PLSCR5: variants seen among roughly 807,000 people sequenced by gnomAD.
PLSCR5 encodes the protein phospholipid scramblase family, member 5.
Under a neutral mutation model 33.6 loss-of-function variants are expected in PLSCR5, and 44 were observed. That is an observed-to-expected ratio of 1.31 (90% CI 1.03 to 1.69). The LOEUF (loss-of-function observed/expected upper bound fraction) is 1.69. Among genes scored for constraint, PLSCR5 ranks in the 40% most tolerant of loss-of-function variants. PLSCR5 has a pLI of 0.00. For synonymous variants in PLSCR5, 148 were observed against 112.3 expected, an observed-to-expected ratio of 1.32 and a Z score of -2.01; for missense variants, 375 against 318.7, an observed-to-expected ratio of 1.18 and a Z score of -1.34.
intron 2 of PLSCR5, 57 bp downstream of exon 2, chr3:146,600,231 A>G: frequency 8.2e-7 from 1 of 1,218,854 alleles, no homozygotes; most frequent in Non-Finnish European, 1.0e-6. Context: ...CCAGAAAGAA[A>G]GTTTGTATTA....
intron 1 of PLSCR5, among the ~76,000 whole-genome samples, chr3:146,603,065 G>A (rs541163072): frequency 6.6e-6 from 1 of 152,170 alleles, no homozygotes; most frequent in African/African-American, 2.4e-5. Flanking sequence ...CTTAAATTGT[G>A]TTAATTTCTA....
chr3:146,597,630 T>C (rs1465107746), intron 2 of PLSCR5, among the ~76,000 whole-genome samples: 1 of 152,176 alleles, frequency 6.6e-6, no homozygotes, highest in African/African-American at 2.4e-5. Flanking sequence ...AAATAGCACA[T>C]AGCCACTTAC....
chr3:146,597,430 G>T (rs6795178), intron 2 of PLSCR5, among the ~76,000 whole-genome samples: 43,308 of 151,824 alleles, frequency 0.29, 6,338 homozygotes, highest in African/African-American at 0.36. Context: ...GTTTCTTTAC[G>T]GACATCACTA....
At chr3:146,588,516 A>T (rs973236034) in intron 6 of PLSCR5, among the ~76,000 whole-genome samples, 1 of 151,964 alleles carries the variant, frequency 6.6e-6, no homozygotes, top group Non-Finnish European at 1.5e-5. Flanking sequence ...TGCCAATGTC[A>T]TGAGACTCAG....
At position 146,591,868 on chromosome 3, in the gene PLSCR5, G is replaced by A; in HGVS notation, c.467C>T (p.Ala156Val). 1.2e-6 allele frequency: 2 copies of A among 1,601,470 alleles called. No individual in the cohort carries two copies. The highest frequency in any genetic ancestry group is 1.3e-5 in the African/African-American group (1 of 74,502). ...PCYLQELEIQ[A>V]PPGTIVGYVT... ...GTAACCAACTATAGTACCAGGAGGG[G>A]CTTGGATTTCTAACTGTAAGAAGAG... The change falls in exon 5 of 8, where the codon GCC becomes GTC. Residue 156 changes from alanine to valine, a missense_variant. Physicochemically the swap from Ala to Val is moderately conservative, Grantham distance 64 (BLOSUM62 0). Coordinates refer to ENST00000443512, the MANE Select transcript of PLSCR5 (RefSeq NM_001085420.2).
chr3:146,584,069 C>G (rs1196111596), downstream of PLSCR5, among the ~76,000 whole-genome samples: 1 of 152,122 alleles, frequency 6.6e-6, no homozygotes, highest in East Asian at 1.9e-4. Flanking sequence ...GGCAGTCATC[C>G]TCATACTGAC....
At chr3:146,600,852 C>A (rs1051534002) in intron 1 of PLSCR5, among the ~76,000 whole-genome samples, 2 of 147,870 alleles carry the variant, frequency 1.4e-5, no homozygotes, top group Non-Finnish European at 3.0e-5. Flanking sequence ...GAGTAATTAT[C>A]GGTTACTTTA....
At position 146,586,105 on chromosome 3, in the gene PLSCR5, A is replaced by G. The variant is rs372203106; in HGVS notation, c.785T>C (p.Met262Thr). ...TCCAGCCAGTGAATGTTCAAAGAAC[A>G]TAAAATCCTACAAATAAGTAAACTG... Reference protein sequence around the residue: ...MIGACFLFDFMFFEHSLAGL With the variant: ...MIGACFLFDFTFFEHSLAGL Residue 262 changes from methionine (M) to threonine (T), a missense_variant, in exon 7 of 8, where the codon ATG becomes ACG. Physicochemically the swap from Met to Thr is moderately conservative, Grantham distance 81 (BLOSUM62 -1). Transcript: ENST00000443512. 3 of 1,483,850 alleles carry G rather than the reference A, an allele frequency of 2.0e-6. No homozygotes were observed. Among genetic ancestry groups the G allele is most frequent in the African/African-American group, 2.9e-5 (2 of 69,630 alleles). The allele number at this position is 1,483,850 out of a possible 1,614,324, so 91.9% of individuals were successfully genotyped here.
rs755424562 is a variant in PLSCR5 at position 146,589,793 on chromosome 3, G to A, written c.637C>T (p.Leu213Phe). ...DFEVKTINEKLTIGKISKYWS... is the reference protein window; with the variant it reads ...DFEVKTINEKFTIGKISKYWS... ...TACTTTGAAATCTTCCCAATTGTAA[G>A]CTTTTCATTAATGGTTTTCACCTTT... The change falls in exon 6 of 8, where the codon CTT (leucine) becomes TTT (phenylalanine). Residue 213 changes from leucine (L) to phenylalanine (F), a missense_variant. Physicochemically the swap from Leu to Phe is conservative, Grantham distance 22. Coordinates refer to ENST00000443512, the MANE Select transcript of PLSCR5 (RefSeq NM_001085420.2). 1 of 1,550,744 alleles carries A rather than the reference G, an allele frequency of 6.4e-7. No homozygotes were observed. Among genetic ancestry groups the A allele is most frequent in the Non-Finnish European group, 8.8e-7 (1 of 1,136,166 alleles).
chr3:146,602,722 C>T (rs1184437060), intron 1 of PLSCR5, among the ~76,000 whole-genome samples: 1 of 152,014 alleles, frequency 6.6e-6, no homozygotes, highest in Admixed American at 6.6e-5. Context: ...TCACAAATTA[C>T]CCCAATTTTA....
chr3:146,605,122 G>C (rs1398279590), intron 1 of PLSCR5, 78 bp downstream of exon 1: 15 of 1,421,618 alleles, frequency 1.1e-5, no homozygotes, highest in Non-Finnish European at 1.3e-5. Flanking sequence ...CAATCTAACT[G>C]GTTGTAACAC....
Position 146,589,663 on chromosome 3 carries a change from C to A in PLSCR5, c.767G>T (p.Cys256Phe). The A allele has an allele frequency of 6.3e-7, 1 of 1,581,826 alleles. No homozygotes were observed. ...AAAGCCCATACTTACAAAGAGAAAA[C>A]AGGCACCGATCATTGCTGCTTTGAC... is the stretch of plus-strand genomic sequence containing the variant. ...VTVKAAMIGA[C>F]FLFDFMFFEH... The change falls in exon 6 of 8, where the codon TGT (cysteine) becomes TTT (phenylalanine). Residue 256 changes from cysteine (C) to phenylalanine (F), a missense_variant. Cys to Phe is a radical substitution (Grantham distance 205, BLOSUM62 -2). Coordinates refer to ENST00000443512, the MANE Select transcript of PLSCR5 (RefSeq NM_001085420.2).
intron 5 of PLSCR5, chr3:146,590,364 AGACATTTATTAG>A (rs1365295087): frequency 1.4e-4 from 21 of 152,202 alleles, no homozygotes; most frequent in African/African-American, 4.8e-4. Context: ...TATTATACTC[AGACATTTATTAG>A]GTCAATACTT....
Position 146,589,667 on chromosome 3 carries a change from C to A in PLSCR5, c.763G>T (p.Ala255Ser). The change falls in exon 6 of 8, where the codon GCC (alanine) becomes TCC (serine). Residue 255 changes from alanine (A) to serine (S), a missense_variant. Physicochemically the swap from Ala to Ser is moderately conservative, Grantham distance 99 (BLOSUM62 1). Transcript: ENST00000443512. The stretch of plus-strand genomic sequence containing the variant: ...CCCATACTTACAAAGAGAAAACAGG[C>A]ACCGATCATTGCTGCTTTGACTGTT... ...DVTVKAAMIG[A>S]CFLFDFMFFE... The A allele has an allele frequency of 6.3e-7, 1 of 1,587,610 alleles. No individual in the cohort carries two copies.
intron 6 of PLSCR5, 104 bp downstream of exon 6, chr3:146,589,549 T>A (rs2044692969): frequency 8.9e-7 from 1 of 1,121,810 alleles, no homozygotes; most frequent in South Asian, 2.7e-5. Context: ...GAATAAAATA[T>A]ACTCTTTGGG....
chr3:146,580,455 T>TG, intron 7 of PLSCR5, among the ~76,000 whole-genome samples: 1 of 55,626 alleles, frequency 1.8e-5, no homozygotes, highest in Non-Finnish European at 3.8e-5. Flanking sequence ...TTGAATTTGC[T>TG]TTTTTTTTTT....
At chr3:146,594,320 AG>A (rs2044740934) in intron 3 of PLSCR5, among the ~76,000 whole-genome samples, 180 bp from the exon 4 acceptor site, 1 of 152,276 alleles carries the variant, frequency 6.6e-6, no homozygotes, top group Admixed American at 6.5e-5. Context: ...TGGAAATAAA[AG>A]TAAATGGTGA....
chr3:146,599,235 A>G (rs2044789129), intron 2 of PLSCR5, among the ~76,000 whole-genome samples: 1 of 152,230 alleles, frequency 6.6e-6, no homozygotes, highest in South Asian at 2.1e-4. Flanking sequence ...CCTACTTTAC[A>G]ATGACTAGAA....
At chr3:146,579,842 C>G (rs748197109) in intron 7 of PLSCR5, among the ~76,000 whole-genome samples, 1 of 152,188 alleles carries the variant, frequency 6.6e-6, no homozygotes, top group Non-Finnish European at 1.5e-5. Context: ...GACAATGTGG[C>G]CTAGCCTAAG....
Sources: allele counts gnomAD v4.1 joint callset (sites outside exome capture counted in the v4.1 genomes callset), GRCh38; gene constraint gnomAD v4.1.1; transcripts MANE v1.5; gene names NCBI Gene and HGNC (gene_info 2026-07-23, HGNC 2026-07-21).